PPP1CB: variants seen among roughly 807,000 people sequenced by gnomAD.
PPP1CB encodes the protein serine/threonine-protein phosphatase PP1-beta catalytic subunit.
PPP1CB carries 2 observed loss-of-function variants against 43.7 expected under a neutral mutation model. The observed-to-expected ratio is 0.05, with a 90% confidence interval of 0.02 to 0.14. The LOEUF is 0.14. PPP1CB is among the 10% of genes least tolerant of loss of function. The probability of loss-of-function intolerance (pLI) is 1.00; values close to 1 mark genes in which losing one functional copy is unlikely to be tolerated. For synonymous variants in PPP1CB, 136 were observed against 135.6 expected (o/e 1.00, Z -0.02); for missense variants, 84 against 398.0 (o/e 0.21, Z 6.71).
intron 1 of PPP1CB, among the ~76,000 whole-genome samples, chr2:28,766,015 T>C (rs1027452988): frequency 8.5e-5 from 13 of 152,232 alleles, no homozygotes; most frequent in African/African-American, 3.1e-4. Flanking sequence ...TGCCTTATAA[T>C]TTTAGGCTGA....
intron 1 of PPP1CB, among the ~76,000 whole-genome samples, chr2:28,756,530 CTGGAATGCAG>C (rs1210381015): frequency 6.6e-6 from 1 of 152,204 alleles, no homozygotes; most frequent in African/African-American, 2.4e-5. Context: ...TCAAGACAGG[CTGGAATGCAG>C]TGGCTTGATC....
rs1245394161 is a variant in PPP1CB, at chr2:28,751,903, C to CTTGT, written c.-219_-216dup. The CTTGT allele has an allele frequency of 1.5e-5, 9 of 601,256 alleles. No individual in the cohort carries two copies. In the African/African-American group the frequency reaches 1.8e-4, roughly 12 times the overall value. 37.2% of individuals were successfully genotyped at this position (601,256 alleles called of 1,614,324 possible). A position where few individuals can be genotyped will look rare whatever the true frequency, so the allele number is the denominator to read the frequency against. ...CGCGGCCCTGTTCGAGGGGGCCTCTCTTGTTTATTTATTTATTTTCCGTGG... is the reference window on the plus strand; with the variant it reads ...CGCGGCCCTGTTCGAGGGGGCCTCTCTTGTTTGTTTATTTATTTATTTTCCGTGG... On this transcript the variant is annotated 5_prime_UTR_variant, in exon 1 of 8. Transcript: ENST00000395366.
At chr2:28,794,344 T>C (rs1667450652) in intron 7 of PPP1CB, among the ~76,000 whole-genome samples, 2 of 152,244 alleles carry the variant, frequency 1.3e-5, no homozygotes, top group East Asian at 3.9e-4. Context: ...GCAAAGTAAA[T>C]GGGTGGAACA....
At chr2:28,756,354 T>C (rs1666488936) in intron 1 of PPP1CB, among the ~76,000 whole-genome samples, 2 of 152,380 alleles carry the variant, frequency 1.3e-5, no homozygotes, top group Middle Eastern at 3.4e-3. Context: ...GTACCTGTTT[T>C]GTTTTTTAAA....
chr2:28,799,445 T>A lies in PPP1CB; in HGVS notation c.*142T>A. The A allele has an allele frequency of 1.7e-6, 1 of 596,470 alleles. No homozygotes were observed. 36.9% of individuals were successfully genotyped at this position (596,470 alleles called of 1,614,324 possible). On this transcript the variant is annotated 3_prime_UTR_variant, in exon 8 of 8. Coordinates refer to ENST00000395366, the MANE Select transcript of PPP1CB (RefSeq NM_002709.3). ...ACTTAAGGAGACGGGTAAAGGATCT[T>A]AAATTTTTTTCTAATAGAAAGATGT... is the stretch of plus-strand genomic sequence containing the variant.
intron 7 of PPP1CB, among the ~76,000 whole-genome samples, chr2:28,795,597 C>T (rs1169462398): frequency 7.2e-5 from 11 of 151,906 alleles, no homozygotes; most frequent in African/African-American, 1.2e-4. Flanking sequence ...GTTGGCTGCA[C>T]GTTTGTTTTT....
At chr2:28,771,136 C>T (rs1666903977) in intron 1 of PPP1CB, among the ~76,000 whole-genome samples, 1 of 148,448 alleles carries the variant, frequency 6.7e-6, no homozygotes, top group Non-Finnish European at 1.5e-5. Flanking sequence ...TCACTGCCAC[C>T]TCTGTCTCTT....
intron 1 of PPP1CB, among the ~76,000 whole-genome samples, chr2:28,774,729 T>G (rs1241457489): frequency 6.7e-6 from 1 of 150,180 alleles, no homozygotes; most frequent in Non-Finnish European, 1.5e-5. Flanking sequence ...CCTGGTCACA[T>G]TTTTTTTTTC....
At chr2:28,785,879 G>A (rs970014054) in intron 5 of PPP1CB, among the ~76,000 whole-genome samples, 3 of 151,934 alleles carry the variant, frequency 2.0e-5, no homozygotes, top group Non-Finnish European at 4.4e-5. Context: ...TCATTCTTCA[G>A]AATATCTGTT....
intron 4 of PPP1CB, among the ~76,000 whole-genome samples, 181 bp from the exon 5 acceptor site, chr2:28,783,726 C>T (rs575321678): frequency 9.3e-5 from 14 of 150,618 alleles, no homozygotes; most frequent in African/African-American, 3.2e-4. Context: ...TACTGCACTG[C>T]AGCCTGGGTG....
At chr2:28,787,199 C>T (rs1191442868) in intron 5 of PPP1CB, among the ~76,000 whole-genome samples, 1 of 152,146 alleles carries the variant, frequency 6.6e-6, no homozygotes, top group African/African-American at 2.4e-5. Flanking sequence ...GTGGCTCACA[C>T]TTGTAATCCC....
Position 28,800,977 on chromosome 2 carries a change from G to A in PPP1CB, c.*1674G>A, listed in dbSNP as rs912978702. ...TGCATATGTCTTTTTTTCTAATTCC[G>A]TTTTGTTTTAAAGCACATTTTAAAT... On this transcript the variant is annotated 3_prime_UTR_variant, in exon 8 of 8. Transcript: ENST00000395366. 6.6e-5 allele frequency: 10 copies of A among 152,196 alleles called. No homozygotes were observed. The highest frequency in any genetic ancestry group is 1.3e-4 in the Non-Finnish European group (9 of 67,866). The allele number at this position is 152,196 out of a possible 1,614,324, so 9.4% of individuals were successfully genotyped here.
intron 1 of PPP1CB, among the ~76,000 whole-genome samples, chr2:28,757,328 GC>G (rs1415257397): frequency 1.3e-5 from 2 of 152,082 alleles, no homozygotes; most frequent in African/African-American, 4.8e-5. Flanking sequence ...TTGTAGTGCT[GC>G]TATCAACATT....
At chr2:28,787,409 A>G (rs1015680230) in intron 5 of PPP1CB, among the ~76,000 whole-genome samples, 5 of 152,216 alleles carry the variant, frequency 3.3e-5, no homozygotes, top group African/African-American at 1.2e-4. Context: ...CAGTGAGCAG[A>G]GATTGCACCA....
intron 1 of PPP1CB, among the ~76,000 whole-genome samples, chr2:28,753,808 A>G (rs1455471729): frequency 2.6e-5 from 4 of 152,024 alleles, no homozygotes; most frequent in Non-Finnish European, 2.9e-5. Context: ...GTCTCAGCTC[A>G]CTGCAACCTC....
chr2:28,793,712 T>G (rs776487891), intron 6 of PPP1CB, 151 bp from the exon 7 acceptor site: 1 of 744,972 alleles, frequency 1.3e-6, no homozygotes, highest in South Asian at 2.2e-5. Flanking sequence ...CTAAGCAAAG[T>G]TTAAGAATAA....
rs1247252530 is a variant in PPP1CB at position 28,776,854 on chromosome 2, G to A, written c.56G>A (p.Arg19Gln). Residue 19 changes from arginine to glutamine, a missense_variant, in exon 2 of 8, where the codon CGA becomes CAA. This residue lies in a region of PPP1CB where 27 missense variants were observed against 42.7 expected (regional missense o/e 0.63). Transcript: ENST00000395366. ...TGTTTTATTTATCGTTTGTCAGTAC[G>A]AGGATGTCGTCCAGGAAAGATTGTG... is the stretch of plus-strand genomic sequence containing the variant. ...DSLITRLLEV[R>Q]GCRPGKIVQM... 1 of 1,608,930 alleles carries A rather than the reference G, an allele frequency of 6.2e-7. No individual in the cohort carries two copies. The highest frequency in any genetic ancestry group is 8.5e-7 in the Non-Finnish European group (1 of 1,176,380).
chr2:28,779,829 A>G (rs1405726362), intron 3 of PPP1CB, among the ~76,000 whole-genome samples: 1 of 152,196 alleles, frequency 6.6e-6, no homozygotes, highest in Non-Finnish European at 1.5e-5. Flanking sequence ...GTTTGAGGGT[A>G]TGTTATATGT....
In PPP1CB at chr2:28,752,491, C is replaced by A. The variant is rs190152010; in HGVS notation, c.52+315C>A. ...GCCTTTCGGAAAGGCCGCCGGGCTCCGCGCGCCGTGGTGCTCGCCTCCGGT... is the reference window on the plus strand; with the variant it reads ...GCCTTTCGGAAAGGCCGCCGGGCTCAGCGCGCCGTGGTGCTCGCCTCCGGT... On this transcript the variant is annotated intron_variant, in intron 1 of 7. Coordinates refer to ENST00000395366, the MANE Select transcript of PPP1CB (RefSeq NM_002709.3). Among the ~76,000 whole-genome samples, 681 of 152,310 alleles carry A rather than the reference C, an allele frequency of 4.5e-3. 4 individuals carry two copies. The highest frequency in any genetic ancestry group is 7.2e-3 in the Non-Finnish European group (490 of 68,022).
Sources: allele counts gnomAD v4.1 joint callset (sites outside exome capture counted in the v4.1 genomes callset), GRCh38; gene constraint gnomAD v4.1.1; regional missense constraint gnomAD v4.1.1; transcripts MANE v1.5; gene names NCBI Gene and HGNC (gene_info 2026-07-23, HGNC 2026-07-21).